Variants in TSPAN18 observed in about 807,000 individuals in gnomAD.
The protein encoded by TSPAN18 is tetraspanin 18, also known as tetraspanin-18.
Under a neutral mutation model 27.3 loss-of-function variants are expected in TSPAN18, and 14 were observed. The observed-to-expected ratio is 0.51, with a 90% CI of 0.34 to 0.80. The LOEUF is 0.80. Ranked by LOEUF, TSPAN18 falls within the 30% of genes least tolerant of loss-of-function variation. The probability of loss-of-function intolerance (pLI) is 0.01; values close to 1 mark genes in which losing one functional copy is unlikely to be tolerated. For missense variants in TSPAN18, 268 were observed against 323.9 expected (o/e 0.83, Z 1.32); for synonymous variants, 143 against 136.5 (o/e 1.05, Z -0.33).
At chr11:44,787,395 C>T (rs139274313) in intron 2 of TSPAN18, among the ~76,000 whole-genome samples, 8 of 152,218 alleles carry the variant, frequency 5.3e-5, no homozygotes, top group Admixed American at 1.3e-4. Context: ...CCCATCCCCA[C>T]CTGCAATTCG....
At chr11:44,757,353 T>G (rs995752412) in intron 1 of TSPAN18, among the ~76,000 whole-genome samples, 3 of 152,022 alleles carry the variant, frequency 2.0e-5, no homozygotes, top group Admixed American at 1.3e-4. Flanking sequence ...ACACTTGATC[T>G]TAGCCAGAAA....
intron 2 of TSPAN18, among the ~76,000 whole-genome samples, chr11:44,810,783 T>C (rs989122078): frequency 1.4e-5 from 2 of 145,394 alleles, no homozygotes; most frequent in Non-Finnish European, 2.9e-5. Context: ...TTTTTTGTTA[T>C]TTTTTTGCAG....
intron 2 of TSPAN18, among the ~76,000 whole-genome samples, chr11:44,814,088 T>C (rs1856773618): frequency 6.6e-6 from 1 of 152,224 alleles, no homozygotes. Flanking sequence ...CTTCATTGTT[T>C]GGTGGAAAAT....
intron 2 of TSPAN18, among the ~76,000 whole-genome samples, chr11:44,779,974 C>A (rs1855899822): frequency 6.6e-6 from 1 of 152,232 alleles, no homozygotes; most frequent in Admixed American, 6.5e-5. Context: ...TCCCTGTCTG[C>A]CTTTGCACAT....
chr11:44,792,966 T>C (rs915197159), intron 2 of TSPAN18, among the ~76,000 whole-genome samples: 4 of 152,012 alleles, frequency 2.6e-5, no homozygotes, highest in African/African-American at 9.7e-5. Context: ...CAAAGTCAAG[T>C]TGTCCCAGAA....
intron 3 of TSPAN18, among the ~76,000 whole-genome samples, chr11:44,874,439 C>T (rs543653776): frequency 6.6e-6 from 1 of 152,318 alleles, no homozygotes; most frequent in South Asian, 2.1e-4. Flanking sequence ...TCATTTAGCC[C>T]TCCCTCTAAC....
intron 3 of TSPAN18, among the ~76,000 whole-genome samples, chr11:44,878,283 G>A (rs754393807): frequency 2.6e-5 from 4 of 152,182 alleles, no homozygotes; most frequent in East Asian, 1.9e-4. Context: ...TCCTCTTCCC[G>A]CTAACAGGCT....
At chr11:44,803,117 G>A (rs1856518858) in intron 2 of TSPAN18, among the ~76,000 whole-genome samples, 1 of 152,226 alleles carries the variant, frequency 6.6e-6, no homozygotes, top group Admixed American at 6.5e-5. Context: ...AGCCTAGTAA[G>A]AAAAGGGAGT....
At chr11:44,766,599 G>A (rs1176836610) in intron 2 of TSPAN18, among the ~76,000 whole-genome samples, 2 of 152,236 alleles carry the variant, frequency 1.3e-5, no homozygotes, top group Middle Eastern at 3.2e-3. Context: ...ATCTCTTTAA[G>A]TGCAGAGCAA....
At chr11:44,833,800 A>T (rs1213436975) in intron 2 of TSPAN18, among the ~76,000 whole-genome samples, 3 of 151,840 alleles carry the variant, frequency 2.0e-5, no homozygotes, top group African/African-American at 7.3e-5. Context: ...TTCTTTCTTA[A>T]AAGTCACCTG....
chr11:44,891,699 A>G (rs1321743086), intron 3 of TSPAN18, among the ~76,000 whole-genome samples: 3 of 152,072 alleles, frequency 2.0e-5, no homozygotes, highest in Non-Finnish European at 4.4e-5. Flanking sequence ...GGGGTTCCTG[A>G]GGGACTAGGA....
At chr11:44,820,015 G>A (rs1444479972) in intron 2 of TSPAN18, among the ~76,000 whole-genome samples, 1 of 152,176 alleles carries the variant, frequency 6.6e-6, no homozygotes, top group African/African-American at 2.4e-5. Context: ...CGGCCAAGGA[G>A]GGTTGCTGTC....
chr11:44,882,549 G>A (rs1311069481), intron 3 of TSPAN18, among the ~76,000 whole-genome samples: 1 of 149,102 alleles, frequency 6.7e-6, no homozygotes, highest in Non-Finnish European at 1.5e-5. Context: ...ATGTTAGCAG[G>A]TAGCGTTCCA....
rs1860545705 is a variant in TSPAN18 at position 44,931,120 on chromosome 11, T to TA, written c.*1943dup. 1 of 360,842 alleles carries TA rather than the reference T, an allele frequency of 2.8e-6. No homozygotes were observed. Among genetic ancestry groups the TA allele is most frequent in the African/African-American group, 2.1e-5 (1 of 46,872 alleles). 22.4% of individuals were successfully genotyped at this position (360,842 alleles called of 1,614,324 possible). On this transcript the variant is annotated 3_prime_UTR_variant, in exon 10 of 10. Transcript: ENST00000520358. ...CCCACCAGGTCTCTGAGCTCAGTGT[T>TA]ACCAAATTCGCCCTTTAACAGCTTG...
chr11:44,917,079 G>C (rs764210734), intron 5 of TSPAN18, among the ~76,000 whole-genome samples: 27 of 152,192 alleles, frequency 1.8e-4, no homozygotes, highest in Non-Finnish European at 3.4e-4. Flanking sequence ...TGCTGACCCA[G>C]GCATCCAAGC....
chr11:44,751,026 G>A (rs916573452), intron 1 of TSPAN18, among the ~76,000 whole-genome samples: 12 of 152,222 alleles, frequency 7.9e-5, no homozygotes, highest in Non-Finnish European at 1.5e-4. Context: ...CAAAGAGAGA[G>A]AGGGAGTGAG....
chr11:44,769,296 G>C (rs577384353), intron 2 of TSPAN18, among the ~76,000 whole-genome samples: 30 of 152,238 alleles, frequency 2.0e-4, no homozygotes, highest in Non-Finnish European at 3.7e-4. Flanking sequence ...AGTTTAATTT[G>C]TTAATATTTG....
intron 2 of TSPAN18, among the ~76,000 whole-genome samples, chr11:44,780,950 C>A (rs977971979): frequency 1.3e-5 from 2 of 152,258 alleles, no homozygotes; most frequent in African/African-American, 4.8e-5. Flanking sequence ...TTGAGCCTAT[C>A]TGTGGAGTAC....
At position 44,848,436 on chromosome 11, in the gene TSPAN18, G is replaced by A. The variant is rs143563644; in HGVS notation, c.-152-11892G>A. The stretch of plus-strand genomic sequence containing the variant: ...ACCACTGATGCTGCATTTGCTGTTT[G>A]CTGTCTCTCTACTTCTTTCCCTCTC... On this transcript the variant is annotated intron_variant, in intron 2 of 9. Transcript: ENST00000520358. 5.0e-3 allele frequency among the ~76,000 whole-genome samples: 758 copies of A among 152,326 alleles called. 6 individuals carry two copies. Among genetic ancestry groups the A allele is most frequent in the Non-Finnish European group, 7.2e-3 (493 of 68,030 alleles).
Sources: allele counts gnomAD v4.1 joint callset (sites outside exome capture counted in the v4.1 genomes callset), GRCh38; gene constraint gnomAD v4.1.1; transcripts MANE v1.5; gene names NCBI Gene and HGNC (gene_info 2026-07-23, HGNC 2026-07-21).